The following NKAIN2 variants were observed in gnomAD, a reference collection of about 807,000 sequenced individuals.
NKAIN2 encodes sodium/potassium transporting ATPase interacting 2.
NKAIN2 carries 14 observed loss-of-function variants against 32.6 expected under a neutral mutation model. That is an observed-to-expected ratio of 0.43 (90% CI 0.28 to 0.67). The LOEUF (loss-of-function observed/expected upper bound fraction) is 0.67. Ranked by LOEUF, NKAIN2 falls within the 30% of genes least tolerant of loss-of-function variation. The probability of loss-of-function intolerance (pLI) is 0.17; values close to 1 mark genes in which losing one functional copy is unlikely to be tolerated. For synonymous variants in NKAIN2, 80 were observed against 87.2 expected, an observed-to-expected ratio of 0.92 and a Z score of 0.46; for missense variants, 198 against 258.3, an observed-to-expected ratio of 0.77 and a Z score of 1.60.
Position 124,524,593 on chromosome 6 carries a change from G to GA in NKAIN2, c.274-133587dup, listed in dbSNP as rs1353731723. Among the ~76,000 whole-genome samples, 4 of 152,092 alleles carry GA rather than the reference G, an allele frequency of 2.6e-5. No individual in the cohort carries two copies. The East Asian group carries it at 7.7e-4, about 29-fold the overall frequency. On this transcript the variant is annotated intron_variant, in intron 3 of 6. Coordinates refer to ENST00000368417, the MANE Select transcript of NKAIN2 (RefSeq NM_001040214.3). ...CATTTGCACTCCAGAAAACCCTTAA[G>GA]AAAAAAGTAGGGCATATGTTGTTAG...
At chr6:124,006,365 G>A (rs1047581800) in intron 1 of NKAIN2, among the ~76,000 whole-genome samples, 1 of 152,156 alleles carries the variant, frequency 6.6e-6, no homozygotes, top group Non-Finnish European at 1.5e-5. Flanking sequence ...CTGGAAAAAA[G>A]CTGGTATGCC....
rs569841682 is a variant in NKAIN2, at chr6:123,977,905, A to G, written c.54+173651A>G. On this transcript the variant is annotated intron_variant, in intron 1 of 6. Coordinates refer to ENST00000368417, the MANE Select transcript of NKAIN2 (RefSeq NM_001040214.3). ...AACCCTCAAATTTTACAGATGGACA[A>G]CATGTTGTAGGGAGATTTTTAAAGA... Among the ~76,000 whole-genome samples the G allele has an allele frequency of 7.9e-5, 12 of 152,294 alleles. No individual in the cohort carries two copies. In the South Asian group the frequency reaches 2.5e-3, roughly 32 times the overall value.
At chr6:124,428,811 G>T (rs1264177663) in intron 3 of NKAIN2, among the ~76,000 whole-genome samples, 5 of 152,050 alleles carry the variant, frequency 3.3e-5, no homozygotes, top group Non-Finnish European at 5.9e-5. Context: ...AAGACTAAAG[G>T]TATGTGCATC....
intron 2 of NKAIN2, among the ~76,000 whole-genome samples, chr6:124,348,572 G>A (rs1345793072): frequency 6.6e-6 from 1 of 152,228 alleles, no homozygotes; most frequent in Non-Finnish European, 1.5e-5. Context: ...CTGCTGCCTT[G>A]CAGTTTGATC....
intron 3 of NKAIN2, among the ~76,000 whole-genome samples, chr6:124,545,781 T>A (rs577239523): frequency 6.6e-6 from 1 of 152,168 alleles, no homozygotes; most frequent in African/African-American, 2.4e-5. Flanking sequence ...ATGATGGTAA[T>A]ATAATTGGTA....
At chr6:124,230,852 A>G (rs1179626157) in intron 1 of NKAIN2, among the ~76,000 whole-genome samples, 1 of 152,002 alleles carries the variant, frequency 6.6e-6, no homozygotes, top group East Asian at 1.9e-4. Flanking sequence ...GGCAGTGTAG[A>G]AGGGAAATGT....
intron 2 of NKAIN2, among the ~76,000 whole-genome samples, chr6:124,285,252 G>A (rs939654519): frequency 6.6e-6 from 1 of 152,100 alleles, no homozygotes; most frequent in Non-Finnish European, 1.5e-5. Flanking sequence ...AACTCAGCAA[G>A]TCCTGGGTTA....
rs75728725 is a variant in NKAIN2, at chr6:123,903,150, G to A, written c.54+98896G>A. ...TGAAAGTCGTTATCCTCTGATGGCT[G>A]TTTGAACAGCTAATATGAAACGATG... On this transcript the variant is annotated intron_variant, in intron 1 of 6. Transcript: ENST00000368417. 4.1e-3 allele frequency among the ~76,000 whole-genome samples: 620 copies of A among 152,336 alleles called. 2 individuals carry two copies. The highest frequency in any genetic ancestry group is 0.014 in the African/African-American group (589 of 41,578).
intron 2 of NKAIN2, among the ~76,000 whole-genome samples, chr6:124,306,019 C>A (rs1434066298): frequency 6.6e-6 from 1 of 152,134 alleles, no homozygotes; most frequent in Admixed American, 6.6e-5. Context: ...TTCTTGTCAT[C>A]ACCCTCACCC....
In NKAIN2 at chr6:124,355,295, C is replaced by A; in HGVS notation, c.221C>A (p.Thr74Lys). 1 of 1,609,806 alleles carries A rather than the reference C, an allele frequency of 6.2e-7. No homozygotes were observed. The highest frequency in any genetic ancestry group is 8.5e-7 in the Non-Finnish European group (1 of 1,176,226). The change falls in exon 3 of 7, where the codon ACG (threonine) becomes AAG (lysine). Residue 74 changes from threonine to lysine, a missense_variant. Transcript: ENST00000368417. ...GCTGTCTGGCTAGTCCTCTGGGTTA[C>A]GTGGAATGTGTTTGTTATCTGCTTC... ...GYAVWLVLWV[T>K]WNVFVICFYL... is the part of the protein sequence containing the mutation.
chr6:124,406,288 C>G (rs1234510548), intron 3 of NKAIN2, among the ~76,000 whole-genome samples: 1 of 152,054 alleles, frequency 6.6e-6, no homozygotes, highest in Non-Finnish European at 1.5e-5. Flanking sequence ...ATTTCTTTCT[C>G]TATAAACTAG....
rs374471526 is a variant in NKAIN2 at position 124,793,649 on chromosome 6, A to G, written c.535+2250A>G. On this transcript the variant is annotated intron_variant, in intron 5 of 6. Coordinates refer to ENST00000368417, the MANE Select transcript of NKAIN2 (RefSeq NM_001040214.3). ...AATAGCACCTCTCAAAGGAAATCTC[A>G]GAAATGCTAGTTCCACAAGACATAC... is the stretch of plus-strand genomic sequence containing the variant. Among the ~76,000 whole-genome samples, 82 of 151,472 alleles carry G rather than the reference A, an allele frequency of 5.4e-4. No individual in the cohort carries two copies. The East Asian group carries it at 0.011, about 21-fold the overall frequency.
intron 1 of NKAIN2, among the ~76,000 whole-genome samples, chr6:124,042,599 C>A (rs1387253094): frequency 6.6e-6 from 1 of 152,058 alleles, no homozygotes; most frequent in Non-Finnish European, 1.5e-5. Flanking sequence ...TTTTGTGGTG[C>A]AAATACAGAC....
chr6:123,969,335 TTGAAG>T (rs1266462749), intron 1 of NKAIN2, among the ~76,000 whole-genome samples: 2 of 152,128 alleles, frequency 1.3e-5, no homozygotes, highest in Non-Finnish European at 2.9e-5. Flanking sequence ...AAAAGGTCTG[TTGAAG>T]TGAAGTAAAG....
intron 3 of NKAIN2, among the ~76,000 whole-genome samples, chr6:124,558,842 G>A (rs570338266): frequency 7.2e-5 from 11 of 152,198 alleles, no homozygotes; most frequent in South Asian, 6.2e-4. Context: ...CCAGCTACCC[G>A]GGAGGCTGAG....
chr6:124,152,959 T>C (rs1263550198), intron 1 of NKAIN2, among the ~76,000 whole-genome samples: 1 of 151,840 alleles, frequency 6.6e-6, no homozygotes, highest in Non-Finnish European at 1.5e-5. Context: ...AAAGTACATC[T>C]CTTGCAGTTA....
At chr6:123,956,374 G>C (rs949232512) in intron 1 of NKAIN2, among the ~76,000 whole-genome samples, 1 of 152,092 alleles carries the variant, frequency 6.6e-6, no homozygotes, top group Non-Finnish European at 1.5e-5. Flanking sequence ...AGGTCATAAG[G>C]GTGGGACCCT....
At chr6:124,169,702 T>C (rs1788750523) in intron 1 of NKAIN2, among the ~76,000 whole-genome samples, 1 of 152,102 alleles carries the variant, frequency 6.6e-6, no homozygotes, top group Non-Finnish European at 1.5e-5. Context: ...TTTTTCTCCA[T>C]GCACTTTGAA....
At chr6:124,178,188 C>A (rs112575496) in intron 1 of NKAIN2, among the ~76,000 whole-genome samples, 4 of 152,152 alleles carry the variant, frequency 2.6e-5, no homozygotes, top group African/African-American at 9.7e-5. Context: ...GTACTTTTAT[C>A]TTACACTTTC....
Sources: allele counts gnomAD v4.1 joint callset (sites outside exome capture counted in the v4.1 genomes callset), GRCh38; gene constraint gnomAD v4.1.1; transcripts MANE v1.5; gene names NCBI Gene and HGNC (gene_info 2026-07-23, HGNC 2026-07-21).